The following MAP2K5 variants were observed in gnomAD, a reference collection of about 807,000 sequenced individuals.
The protein encoded by MAP2K5 is dual specificity mitogen-activated protein kinase kinase 5.
Under a neutral mutation model 83.1 loss-of-function variants are expected in MAP2K5, and 49 were observed. The observed-to-expected ratio is 0.59, with a 90% CI of 0.47 to 0.75. The LOEUF (loss-of-function observed/expected upper bound fraction) is 0.75, where lower values mean the gene tolerates loss of function less well. Among genes scored for constraint, MAP2K5 ranks in the 30% least tolerant of loss-of-function variants. The probability of loss-of-function intolerance (pLI) is 0.00; values close to 1 mark genes in which losing one functional copy is unlikely to be tolerated. For missense variants in MAP2K5, 457 were observed against 557.5 expected (o/e 0.82, Z 1.82); for synonymous variants, 202 against 191.8 (o/e 1.05, Z -0.44).
Position 67,555,914 on chromosome 15 carries a change from G to A in MAP2K5, c.184+5832G>A, listed in dbSNP as rs2084613643. 1.3e-5 allele frequency among the ~76,000 whole-genome samples: 2 copies of A among 151,902 alleles called. No homozygotes were observed. Among genetic ancestry groups the A allele is most frequent in the Non-Finnish European group, 2.9e-5 (2 of 67,992 alleles). Reference sequence around the variant, plus strand: ...TTCTCCTGCCTCAGCCTCCCAAGTAGCTAGGACTACAGGCATGCGCCACCA... The same window carrying A: ...TTCTCCTGCCTCAGCCTCCCAAGTAACTAGGACTACAGGCATGCGCCACCA... On this transcript the variant is annotated intron_variant, in intron 2 of 21. Transcript: ENST00000178640. The surrounding 1 kb of genome is among the most constrained non-coding windows in gnomAD (Gnocchi z 5.2).
At chr15:67,623,755 A>G (rs10152398) in intron 8 of MAP2K5, among the ~76,000 whole-genome samples, 151,016 of 151,886 alleles carry the variant, frequency 0.99, 75,080 homozygotes, top group Middle Eastern at 1. Context: ...CCACCACCAC[A>G]CTGGGCTAAT....
At position 67,698,975 on chromosome 15, in the gene MAP2K5, G is replaced by A. The variant is rs1349405831; in HGVS notation, c.973-4362G>A. On this transcript the variant is annotated intron_variant, in intron 15 of 21. Coordinates refer to ENST00000178640, the MANE Select transcript of MAP2K5 (RefSeq NM_145160.3). This position sits in a 1 kb window ranked among gnomAD's most constrained non-coding sequence, Gnocchi z 4.5. ...TTATTATTACTCTCTTCATTTTACA[G>A]ATGAGGAAACCAAAGGTAAAAATAT... is the stretch of plus-strand genomic sequence containing the variant. Among the ~76,000 whole-genome samples the A allele has an allele frequency of 1.3e-5, 2 of 152,158 alleles. No individual in the cohort carries two copies. Among genetic ancestry groups the A allele is most frequent in the Non-Finnish European group, 2.9e-5 (2 of 68,020 alleles).
intron 13 of MAP2K5, among the ~76,000 whole-genome samples, chr15:67,689,691 T>C (rs1397840088): frequency 1.3e-5 from 2 of 152,222 alleles, no homozygotes; most frequent in African/African-American, 4.8e-5. Flanking sequence ...GGTTCTTATT[T>C]ACACCTTGTC....
At chr15:67,621,075 A>G (rs968657716) in intron 8 of MAP2K5, among the ~76,000 whole-genome samples, 8 of 152,090 alleles carry the variant, frequency 5.3e-5, no homozygotes, top group African/African-American at 1.9e-4. Context: ...AAATACCAAG[A>G]CACAGCAAAA....
At chr15:67,657,590 A>G (rs1352524305) in intron 11 of MAP2K5, among the ~76,000 whole-genome samples, 1 of 152,016 alleles carries the variant, frequency 6.6e-6, no homozygotes, top group African/African-American at 2.4e-5. Flanking sequence ...ACCGAGAGCC[A>G]AAGTGTAATG....
chr15:67,723,559 A>G (rs1220552780), intron 16 of MAP2K5, among the ~76,000 whole-genome samples: 4 of 152,198 alleles, frequency 2.6e-5, no homozygotes, highest in Non-Finnish European at 4.4e-5. Flanking sequence ...AGTATTTGGA[A>G]TTAAAGTGTA....
intron 21 of MAP2K5, among the ~76,000 whole-genome samples, chr15:67,799,786 G>A (rs1467019814): frequency 6.6e-6 from 1 of 152,198 alleles, no homozygotes; most frequent in Non-Finnish European, 1.5e-5. Context: ...TGTTACAACA[G>A]CAGCAGTACT....
chr15:67,632,161 G>A (rs535158443), intron 9 of MAP2K5, among the ~76,000 whole-genome samples: 9 of 150,302 alleles, frequency 6.0e-5, no homozygotes, highest in South Asian at 2.1e-4. Flanking sequence ...GTGCAGTGGC[G>A]TGATCTAGGC....
At chr15:67,752,593 A>G (rs1190583908) in intron 19 of MAP2K5, among the ~76,000 whole-genome samples, 2 of 151,458 alleles carry the variant, frequency 1.3e-5, no homozygotes, top group African/African-American at 4.9e-5. Context: ...CAGGAGAATC[A>G]CTTGAACCCA....
chr15:67,729,953 A>G (rs1221432083), intron 17 of MAP2K5, among the ~76,000 whole-genome samples: 3 of 152,336 alleles, frequency 2.0e-5, no homozygotes, highest in Middle Eastern at 3.4e-3. Flanking sequence ...CTAGTTAGCA[A>G]CAACCTTTAT....
chr15:67,561,655 G>C lies in MAP2K5; in HGVS notation c.185-1628G>C, dbSNP rs2140963016. The stretch of plus-strand genomic sequence containing the variant: ...ACAAGTGCTTGGAAAGAAAACAAGT[G>C]CTTGGAAAGAGTGAGAGCTATGGGT... On this transcript the variant is annotated intron_variant, in intron 2 of 21. Coordinates refer to ENST00000178640, the MANE Select transcript of MAP2K5 (RefSeq NM_145160.3). This position sits in a 1 kb window ranked among gnomAD's most constrained non-coding sequence, Gnocchi z 4.2. Among the ~76,000 whole-genome samples, 1 of 152,320 alleles carries C rather than the reference G, an allele frequency of 6.6e-6. No individual in the cohort carries two copies. The highest frequency in any genetic ancestry group is 1.5e-5 in the Non-Finnish European group (1 of 68,028).
chr15:67,753,931 T>C (rs1708160236), intron 19 of MAP2K5, among the ~76,000 whole-genome samples: 3 of 152,240 alleles, frequency 2.0e-5, no homozygotes, highest in Non-Finnish European at 4.4e-5. Context: ...TTATTCATAA[T>C]AGCCCAAACG....
At chr15:67,635,520 G>A (rs939784005) in intron 9 of MAP2K5, among the ~76,000 whole-genome samples, 1 of 152,058 alleles carries the variant, frequency 6.6e-6, no homozygotes, top group African/African-American at 2.4e-5. Context: ...AAGAAAAATA[G>A]TATTCTATTT....
chr15:67,756,521 G>C (rs962681003), intron 19 of MAP2K5, among the ~76,000 whole-genome samples: 20 of 46,190 alleles, frequency 4.3e-4, no homozygotes, highest in African/African-American at 2.1e-3. Flanking sequence ...GTTACTGTGT[G>C]TGTGTGTGTG....
chr15:67,734,883 T>A (rs2089304261), intron 17 of MAP2K5, among the ~76,000 whole-genome samples: 1 of 152,218 alleles, frequency 6.6e-6, no homozygotes, highest in Non-Finnish European at 1.5e-5. Flanking sequence ...AGTACTCACC[T>A]TTAATTTGCA....
At chr15:67,730,780 C>G (rs1883330752) in intron 17 of MAP2K5, among the ~76,000 whole-genome samples, 1 of 152,146 alleles carries the variant, frequency 6.6e-6, no homozygotes. Context: ...ATCAGGGCAC[C>G]AGACCTGAGT....
Position 67,774,457 on chromosome 15 carries a change from G to A in MAP2K5, c.1242+1705G>A, listed in dbSNP as rs2090201773. On this transcript the variant is annotated intron_variant, in intron 21 of 21. Transcript: ENST00000178640. The surrounding 1 kb of genome is among the most constrained non-coding windows in gnomAD (Gnocchi z 4.9). ...TGGCAGGGCTCAGTGAGGAGGCAGG[G>A]AACAATAGACTATATGTGAAGCTGC... Among the ~76,000 whole-genome samples the A allele has an allele frequency of 6.6e-6, 1 of 152,048 alleles. No homozygotes were observed. Among genetic ancestry groups the A allele is most frequent in the African/African-American group, 2.4e-5 (1 of 41,386 alleles).
intron 17 of MAP2K5, among the ~76,000 whole-genome samples, chr15:67,731,860 C>T (rs535072023): frequency 6.6e-6 from 1 of 152,164 alleles, no homozygotes; most frequent in African/African-American, 2.4e-5. Context: ...CTAGTTTGCC[C>T]TCTCTGCCCT....
intron 7 of MAP2K5, among the ~76,000 whole-genome samples, chr15:67,594,652 G>A (rs1358535158): frequency 6.6e-6 from 1 of 152,156 alleles, no homozygotes; most frequent in African/African-American, 2.4e-5. Flanking sequence ...TCAGTTATGA[G>A]GTTCTCTATA....
Sources: allele counts gnomAD v4.1 joint callset (sites outside exome capture counted in the v4.1 genomes callset), GRCh38; gene constraint gnomAD v4.1.1; non-coding constraint Gnocchi (gnomAD v3.1); transcripts MANE v1.5; gene names NCBI Gene and HGNC (gene_info 2026-07-23, HGNC 2026-07-21).